Variants in AP1M1 observed in about 807,000 individuals in gnomAD.
AP1M1 encodes adaptor related protein complex 1 subunit mu 1.
In AP1M1, 18 loss-of-function variants were observed where a neutral mutation model predicts 57.1. The ratio of observed to expected loss-of-function variants is 0.32; its 90% CI spans 0.22 to 0.47. AP1M1 has a LOEUF of 0.47. AP1M1 is among the 20% of genes least tolerant of loss of function. The pLI, the probability that AP1M1 is intolerant of heterozygous loss-of-function variation, is 1.00. For synonymous variants in AP1M1, 241 were observed against 237.9 expected (o/e 1.01, Z -0.12); for missense variants, 362 against 593.5 (o/e 0.61, Z 4.05).
chr19:16,200,234 A>C (rs918414784), intron 1 of AP1M1, among the ~76,000 whole-genome samples: 2 of 152,104 alleles, frequency 1.3e-5, no homozygotes, highest in East Asian at 3.9e-4. Flanking sequence ...CAGTTGCTCA[A>C]CCTCATCTTT....
Position 16,197,975 on chromosome 19 carries a change from TCGCTGCCGCCGCCACCGCCCTCGGC to T in AP1M1, c.-43_-19del. On this transcript the variant is annotated 5_prime_UTR_variant, in exon 1 of 12. Coordinates refer to ENST00000291439, the MANE Select transcript of AP1M1 (RefSeq NM_032493.4). Reference sequence around the variant, plus strand: ...GCTCAACGCCCAGCAGTCCCCACCGTCGCTGCCGCCGCCACCGCCCTCGGCCGCTGCCGAGGCCTCCTGCAGCCAT... The same window carrying T: ...GCTCAACGCCCAGCAGTCCCCACCGTCGCTGCCGAGGCCTCCTGCAGCCAT... The T allele has an allele frequency of 2.8e-6, 4 of 1,451,820 alleles. No homozygotes were observed. The Admixed American group carries it at 7.1e-5, about 26-fold the overall frequency. 89.9% of individuals were successfully genotyped at this position (1,451,820 alleles called of 1,614,324 possible).
chr19:16,211,309 G>A (rs111462747), intron 5 of AP1M1, among the ~76,000 whole-genome samples: 7 of 152,178 alleles, frequency 4.6e-5, no homozygotes, highest in African/African-American at 1.7e-4. Context: ...GGTCAGGGTG[G>A]TATCGAACTC....
At position 16,208,947 on chromosome 19, in the gene AP1M1, C is replaced by T. The variant is rs904522004; in HGVS notation, c.399-83C>T. 5.9e-6 allele frequency: 9 copies of T among 1,527,014 alleles called. No homozygotes were observed. The African/African-American group carries it at 1.2e-4, about 21-fold the overall frequency. 94.6% of individuals were successfully genotyped at this position (1,527,014 alleles called of 1,614,324 possible). On this transcript the variant is annotated intron_variant, in intron 4 of 11. Coordinates refer to ENST00000291439, the MANE Select transcript of AP1M1 (RefSeq NM_032493.4). ...CAGAACCTGCCCTGTACCCCCCACC[C>T]AACCCTGCCGAAATGTCAAGGCCAG...
chr19:16,211,912 C>T (rs1387594570), intron 5 of AP1M1, among the ~76,000 whole-genome samples: 1 of 152,126 alleles, frequency 6.6e-6, no homozygotes, highest in Non-Finnish European at 1.5e-5. Flanking sequence ...TATTGATTTG[C>T]ATGTATTGAA....
chr19:16,229,075 G>C (rs3752795), intron 9 of AP1M1, 147 bp downstream of exon 9: 42 of 966,740 alleles, frequency 4.3e-5, no homozygotes, highest in Non-Finnish European at 2.9e-5. Flanking sequence ...GGTGGACGGA[G>C]AGCTGAGGAC....
Position 16,222,281 on chromosome 19 carries a change from C to T in AP1M1, c.547-4140C>T, listed in dbSNP as rs998368080. ...GGAGAGCCATGGAGCAAGCATGGCT[C>T]ACTGTAGCCCCAACCTCCTGGGCTC... On this transcript the variant is annotated intron_variant, in intron 5 of 11. Coordinates refer to ENST00000291439, the MANE Select transcript of AP1M1 (RefSeq NM_032493.4). Among the ~76,000 whole-genome samples, 5 of 150,678 alleles carry T rather than the reference C, an allele frequency of 3.3e-5. No homozygotes were observed. In the South Asian group the frequency reaches 1.0e-3, roughly 32 times the overall value.
At chr19:16,229,091 T>C (rs1311097193) in intron 9 of AP1M1, among the ~76,000 whole-genome samples, 163 bp downstream of exon 9, 1 of 152,082 alleles carries the variant, frequency 6.6e-6, no homozygotes, top group Non-Finnish European at 1.5e-5. Flanking sequence ...AGGACTGGAG[T>C]GGGAGGAAGC....
At chr19:16,226,778 G>A (rs1475701912) in intron 6 of AP1M1, 1 of 486,852 alleles carries the variant, frequency 2.1e-6, no homozygotes, top group Non-Finnish European at 3.6e-6. Flanking sequence ...CCCGTCACCC[G>A]GCCTCACACG....
At position 16,210,554 on chromosome 19, in the gene AP1M1, G is replaced by A. The variant is rs1220927240; in HGVS notation, c.546+1377G>A. Among the ~76,000 whole-genome samples the A allele has an allele frequency of 5.9e-5, 9 of 152,202 alleles. No homozygotes were observed. The South Asian group carries it at 1.7e-3, about 28-fold the overall frequency. ...TAGTAGTATGTCAGCACAGTTTTGTGTTTTGTTTTTGTTTTTGTTTTTGAG... is the reference window on the plus strand; with the variant it reads ...TAGTAGTATGTCAGCACAGTTTTGTATTTTGTTTTTGTTTTTGTTTTTGAG... On this transcript the variant is annotated intron_variant, in intron 5 of 11. Coordinates refer to ENST00000291439, the MANE Select transcript of AP1M1 (RefSeq NM_032493.4).
In AP1M1 at chr19:16,228,133, G is replaced by T. The variant is rs1040275432; in HGVS notation, c.817-4G>T. On this transcript the variant is annotated splice_region_variant and splice_polypyrimidine_tract_variant and intron_variant, in intron 7 of 11. Coordinates refer to ENST00000291439, the MANE Select transcript of AP1M1 (RefSeq NM_032493.4). This position sits in a 1 kb window ranked among gnomAD's most constrained non-coding sequence, Gnocchi z 5.0. ...GTGAGCACCCTCTTTGCCCTCCTTG[G>T]CAGGTCAAGCCTTTGATATGGATCG... 4 of 1,613,682 alleles carry T rather than the reference G, an allele frequency of 2.5e-6. No individual in the cohort carries two copies. The highest frequency in any genetic ancestry group is 3.4e-6 in the Non-Finnish European group (4 of 1,180,012).
In AP1M1 at chr19:16,218,772, G is replaced by T. The variant is rs185446882; in HGVS notation, c.547-7649G>T. On this transcript the variant is annotated intron_variant, in intron 5 of 11. Coordinates refer to ENST00000291439, the MANE Select transcript of AP1M1 (RefSeq NM_032493.4). ...CTCTTTGGGTAAGCAAGGTATAGAG[G>T]GAAGGGACCCAGAGCTTCCTTGCCC... 1.1e-4 allele frequency among the ~76,000 whole-genome samples: 17 copies of T among 152,262 alleles called. No homozygotes were observed. The East Asian group carries it at 3.3e-3, about 29-fold the overall frequency.
At position 16,245,823 on chromosome 19, in the gene AP1M1, A is replaced by T. The variant is rs974671232; in HGVS notation, c.*11388A>T. On this transcript the variant is annotated 3_prime_UTR_variant, in exon 12 of 12. Transcript: ENST00000291439. ...TTATTACAGATTGTTTGTGGCTTTT[A>T]AAAAAAGTCATTGCTTGAATGATGA... 4 of 152,142 alleles carry T rather than the reference A, an allele frequency of 2.6e-5. No individual in the cohort carries two copies. Among genetic ancestry groups the T allele is most frequent in the South Asian group, 2.1e-4 (1 of 4,826 alleles). The allele number at this position is 152,142 out of a possible 1,614,324, so 9.4% of individuals were successfully genotyped here.
intron 9 of AP1M1, among the ~76,000 whole-genome samples, chr19:16,231,337 T>C (rs1282195483): frequency 1.4e-5 from 2 of 147,562 alleles, no homozygotes; most frequent in African/African-American, 5.0e-5. Context: ...AAATACAGAT[T>C]AGATAGATAG....
chr19:16,206,423 G>C lies in AP1M1; in HGVS notation c.267+15G>C. 6.2e-7 allele frequency: 1 copy of C among 1,613,806 alleles called. No homozygotes were observed. The highest frequency in any genetic ancestry group is 8.5e-7 in the Non-Finnish European group (1 of 1,179,878). ...AGGTGGTGCAGGTGAGTCTCGCTCG[G>C]AGGGGCCGTGGGCTTGGGTGGAGGT... On this transcript the variant is annotated intron_variant, in intron 3 of 11. Transcript: ENST00000291439. This position sits in a 1 kb window ranked among gnomAD's most constrained non-coding sequence, Gnocchi z 4.3.
At chr19:16,216,191 G>A (rs375590847) in intron 5 of AP1M1, among the ~76,000 whole-genome samples, 1 of 152,044 alleles carries the variant, frequency 6.6e-6, no homozygotes, top group African/African-American at 2.4e-5. Flanking sequence ...GCCTAGTTAA[G>A]AACTCTTGCT....
chr19:16,216,391 G>T (rs1207575589), intron 5 of AP1M1, among the ~76,000 whole-genome samples: 3 of 151,726 alleles, frequency 2.0e-5, no homozygotes, highest in Non-Finnish European at 4.4e-5. Context: ...CTTGCAGTGA[G>T]CCGAGATTGC....
At chr19:16,222,125 T>C (rs1041685622) in intron 5 of AP1M1, among the ~76,000 whole-genome samples, 3 of 152,130 alleles carry the variant, frequency 2.0e-5, no homozygotes, top group African/African-American at 7.2e-5. Context: ...ATAATTTACA[T>C]TGAACTGCCT....
At chr19:16,200,326 T>C (rs1005268688) in intron 1 of AP1M1, among the ~76,000 whole-genome samples, 1 of 152,048 alleles carries the variant, frequency 6.6e-6, no homozygotes, top group African/African-American at 2.4e-5. Flanking sequence ...CACGATCATG[T>C]GGAAAAGAGG....
At chr19:16,208,812 G>A in intron 4 of AP1M1, 1 of 529,122 alleles carries the variant, frequency 1.9e-6, no homozygotes, top group Non-Finnish European at 3.3e-6. Context: ...TAACTTGAGT[G>A]TATTGGCTTT....
Sources: gnomAD v4.1 joint callset for allele counts (sites outside exome capture counted in the v4.1 genomes callset) on GRCh38, gnomAD v4.1.1 for gene constraint, Gnocchi (gnomAD v3.1) non-coding constraint, MANE v1.5 for transcripts, NCBI Gene and HGNC (gene_info 2026-07-23, HGNC 2026-07-21) for gene names.